EFCAB6: variants seen among roughly 807,000 people sequenced by gnomAD.
EFCAB6 encodes the protein EF-hand calcium binding domain 6.
A neutral mutation model predicts 169.8 loss-of-function variants in EFCAB6; 156 were observed. The observed-to-expected ratio is 0.92, with a 90% CI of 0.81 to 1.05. The LOEUF is 1.05. EFCAB6 is among the 50% of genes least tolerant of loss of function. The pLI is 0.00. For missense variants in EFCAB6, 1,800 were observed against 1,829.1 expected, an observed-to-expected ratio of 0.98 and a Z score of 0.29; for synonymous variants, 698 against 676.4, an observed-to-expected ratio of 1.03 and a Z score of -0.50.
rs535068160 is a variant in EFCAB6, at chr22:43,579,539, C to T, written c.3228+925G>A. The stretch of plus-strand genomic sequence containing the variant: ...CATTCCATACACATAGGCATCATTC[C>T]GTACACGCAGGCATCATTCCCTACA... On this transcript the variant is annotated intron_variant, in intron 25 of 31. Coordinates refer to ENST00000262726, the MANE Select transcript of EFCAB6 (RefSeq NM_022785.4). Among the ~76,000 whole-genome samples, 466 of 150,704 alleles carry T rather than the reference C, an allele frequency of 3.1e-3. 8 individuals carry two copies. Among genetic ancestry groups the T allele is most frequent in the African/African-American group, 0.011 (446 of 40,764 alleles).
At chr22:43,713,721 A>C (rs2059237664) in intron 9 of EFCAB6, among the ~76,000 whole-genome samples, 1 of 152,220 alleles carries the variant, frequency 6.6e-6, no homozygotes, top group Non-Finnish European at 1.5e-5. Flanking sequence ...TAAAACAGGA[A>C]GCAATCCAAA....
At chr22:43,627,004 G>A (rs1467810778) in intron 19 of EFCAB6, among the ~76,000 whole-genome samples, 1 of 152,130 alleles carries the variant, frequency 6.6e-6, no homozygotes, top group East Asian at 1.9e-4. Context: ...AGGAAGGAAG[G>A]GAAGGAGAAA....
At chr22:43,680,968 G>T (rs906157352) in intron 12 of EFCAB6, among the ~76,000 whole-genome samples, 1 of 151,866 alleles carries the variant, frequency 6.6e-6, no homozygotes, top group Non-Finnish European at 1.5e-5. Flanking sequence ...TTTCTTTCTC[G>T]ATTGGACTGT....
chr22:43,600,282 A>C lies in EFCAB6; in HGVS notation c.2682-19T>G. ...GTCGTATCTTAAAACAAAAACAAAA[A>C]CAGAAAGCACTTCTCAGTAGCCAGT... is the stretch of plus-strand genomic sequence containing the variant. On this transcript the variant is annotated intron_variant, in intron 22 of 31. Transcript: ENST00000262726. 1 of 1,611,852 alleles carries C rather than the reference A, an allele frequency of 6.2e-7. No individual in the cohort carries two copies. The highest frequency in any genetic ancestry group is 1.3e-5 in the African/African-American group (1 of 74,890).
intron 2 of EFCAB6, among the ~76,000 whole-genome samples, chr22:43,792,616 T>G (rs1025523629): frequency 2.0e-5 from 3 of 152,214 alleles, no homozygotes; most frequent in Non-Finnish European, 2.9e-5. Flanking sequence ...AAACTTATAG[T>G]TATCATTTAA....
intron 20 of EFCAB6, among the ~76,000 whole-genome samples, chr22:43,618,847 A>G (rs1352498648): frequency 2.6e-5 from 4 of 152,184 alleles, no homozygotes; most frequent in Non-Finnish European, 5.9e-5. Context: ...AACCAGAAAA[A>G]ATGGGAAAAG....
At chr22:43,666,916 G>T (rs1332894063) in intron 17 of EFCAB6, among the ~76,000 whole-genome samples, 188 bp downstream of exon 17, 1 of 151,198 alleles carries the variant, frequency 6.6e-6, no homozygotes, top group African/African-American at 2.4e-5. Flanking sequence ...CATATTGAAA[G>T]TATTCTCTAA....
chr22:43,531,330 C>T (rs2047053872), intron 30 of EFCAB6, among the ~76,000 whole-genome samples: 1 of 152,050 alleles, frequency 6.6e-6, no homozygotes, highest in East Asian at 1.9e-4. Context: ...ACACCACCTC[C>T]CAGGGAATGC....
chr22:43,563,124 G>A (rs545071027), intron 26 of EFCAB6, among the ~76,000 whole-genome samples: 4 of 152,170 alleles, frequency 2.6e-5, no homozygotes, highest in African/African-American at 9.6e-5. Flanking sequence ...GTAACCAAGC[G>A]CCGCCTGCCA....
chr22:43,634,739 G>C (rs1206118442), intron 18 of EFCAB6, among the ~76,000 whole-genome samples: 1 of 152,124 alleles, frequency 6.6e-6, no homozygotes, highest in Non-Finnish European at 1.5e-5. Context: ...CCACAGGGAG[G>C]AATAATATTC....
chr22:43,740,176 C>T (rs563600579), intron 6 of EFCAB6, among the ~76,000 whole-genome samples: 13 of 152,322 alleles, frequency 8.5e-5, no homozygotes, highest in South Asian at 6.2e-4. Context: ...GGCCCAGAAA[C>T]GCCCTCCCTA....
At chr22:43,711,330 A>G in intron 10 of EFCAB6, 145 bp downstream of exon 10, 2 of 839,056 alleles carry the variant, frequency 2.4e-6, no homozygotes, top group Non-Finnish European at 3.4e-6. Flanking sequence ...TGGATTTACT[A>G]TATTATTCCC....
At chr22:43,748,161 T>C (rs2060630215) in intron 6 of EFCAB6, among the ~76,000 whole-genome samples, 1 of 152,190 alleles carries the variant, frequency 6.6e-6, no homozygotes, top group African/African-American at 2.4e-5. Flanking sequence ...CTGACTCCAG[T>C]TGCTTTCCCA....
intron 4 of EFCAB6, among the ~76,000 whole-genome samples, chr22:43,766,374 T>C (rs1036623693): frequency 1.3e-5 from 2 of 152,148 alleles, no homozygotes; most frequent in African/African-American, 4.8e-5. Context: ...TGTACATTGT[T>C]TGTGTATGTT....
chr22:43,544,371 G>C (rs1035422375), intron 27 of EFCAB6, among the ~76,000 whole-genome samples: 6 of 152,204 alleles, frequency 3.9e-5, no homozygotes, highest in African/African-American at 7.2e-5. Flanking sequence ...CGTGTCTCTG[G>C]ATGTGGTCTG....
At chr22:43,797,937 G>A (rs5764306) in intron 2 of EFCAB6, among the ~76,000 whole-genome samples, 46,764 of 151,814 alleles carry the variant, frequency 0.31, 7,846 homozygotes, top group East Asian at 0.63. Context: ...CCTATTCCTC[G>A]CCCCTCTCTG....
chr22:43,694,272 G>A (rs1367443872), intron 10 of EFCAB6, among the ~76,000 whole-genome samples: 1 of 151,882 alleles, frequency 6.6e-6, no homozygotes, highest in African/African-American at 2.4e-5. Context: ...CAAGAAGAAA[G>A]AGAAAACTCA....
intron 8 of EFCAB6, among the ~76,000 whole-genome samples, chr22:43,726,724 T>C (rs1184028657): frequency 6.6e-6 from 1 of 152,168 alleles, no homozygotes; most frequent in Non-Finnish European, 1.5e-5. Context: ...TGAATAAACT[T>C]TGCCCAAATC....
chr22:43,742,315 C>T (rs2060403689), intron 6 of EFCAB6, among the ~76,000 whole-genome samples: 1 of 152,112 alleles, frequency 6.6e-6, no homozygotes, highest in African/African-American at 2.4e-5. Context: ...GCCACGCCCA[C>T]TCATTTACAT....
Sources: allele counts gnomAD v4.1 joint callset (sites outside exome capture counted in the v4.1 genomes callset), GRCh38; gene constraint gnomAD v4.1.1; transcripts MANE v1.5; gene names NCBI Gene and HGNC (gene_info 2026-07-23, HGNC 2026-07-21).